The following SLC25A21 variants were observed in gnomAD, a reference collection of about 807,000 sequenced individuals.
SLC25A21 encodes solute carrier family 25 member 21, also known as mitochondrial 2-oxodicarboxylate carrier.
SLC25A21 carries 47 observed loss-of-function variants against 43.8 expected under a neutral mutation model. The ratio of observed to expected loss-of-function variants is 1.07; its 90% CI spans 0.85 to 1.37. The LOEUF is 1.37. SLC25A21 is among the 40% of genes most tolerant of loss of function. SLC25A21 has a pLI of 0.00. For missense variants in SLC25A21, 352 were observed against 350.2 expected, an observed-to-expected ratio of 1.00 and a Z score of -0.04; for synonymous variants, 131 against 121.3, an observed-to-expected ratio of 1.08 and a Z score of -0.52.
intron 1 of SLC25A21, among the ~76,000 whole-genome samples, chr14:37,146,907 A>C (rs1309073897): frequency 1.3e-5 from 2 of 152,214 alleles, no homozygotes; most frequent in Admixed American, 6.5e-5. Context: ...GAAATAGTTA[A>C]TTTGCTAACA....
At chr14:36,949,697 A>G (rs943245747) in intron 1 of SLC25A21, among the ~76,000 whole-genome samples, 3 of 152,116 alleles carry the variant, frequency 2.0e-5, no homozygotes, top group African/African-American at 7.2e-5. Context: ...ATCAAGTTTA[A>G]GTTTATATAT....
chr14:36,986,546 G>A (rs1960148835), intron 1 of SLC25A21, among the ~76,000 whole-genome samples: 1 of 152,108 alleles, frequency 6.6e-6, no homozygotes, highest in Admixed American at 6.5e-5. Flanking sequence ...TCTACCCAGA[G>A]CCTAGAACAC....
At chr14:36,989,355 A>G (rs1278752069) in intron 1 of SLC25A21, among the ~76,000 whole-genome samples, 1 of 152,178 alleles carries the variant, frequency 6.6e-6, no homozygotes, top group Admixed American at 6.5e-5. Flanking sequence ...TTATATTGCC[A>G]TGAACTTTGG....
chr14:36,942,144 T>G (rs544239750), intron 1 of SLC25A21, among the ~76,000 whole-genome samples: 1 of 152,110 alleles, frequency 6.6e-6, no homozygotes, highest in African/African-American at 2.4e-5. Context: ...AGCTTAAGAG[T>G]TTGAACTAAA....
chr14:36,744,683 C>T (rs1885419328), intron 3 of SLC25A21, among the ~76,000 whole-genome samples: 1 of 79,866 alleles, frequency 1.3e-5, no homozygotes, highest in Admixed American at 1.1e-4. Flanking sequence ...ATCTTTTGCA[C>T]AGCAAAAGAA....
rs139564383 is a variant in SLC25A21, at chr14:36,862,524, G to A, written c.119+12432C>T. ...TAACACAGGAACAGAAAACCAAACA[G>A]TGCATGTTCTCACTCATAAGTGGGA... On this transcript the variant is annotated intron_variant, in intron 2 of 9. Transcript: ENST00000331299. 2.0e-5 allele frequency among the ~76,000 whole-genome samples: 3 copies of A among 152,104 alleles called. No individual in the cohort carries two copies. In the South Asian group the frequency reaches 6.2e-4, roughly 32 times the overall value.
chr14:36,792,591 G>C (rs939508493), intron 3 of SLC25A21, among the ~76,000 whole-genome samples: 1 of 152,038 alleles, frequency 6.6e-6, no homozygotes, highest in Non-Finnish European at 1.5e-5. Context: ...TTCAGGGCAC[G>C]CAAAGGACAC....
intron 4 of SLC25A21, among the ~76,000 whole-genome samples, chr14:36,730,669 A>G (rs1399398474): frequency 6.6e-6 from 1 of 152,190 alleles, no homozygotes; most frequent in Non-Finnish European, 1.5e-5. Flanking sequence ...CTCAGGAACT[A>G]CTTTTGTGCC....
At chr14:36,773,272 G>C (rs1886693407) in intron 3 of SLC25A21, among the ~76,000 whole-genome samples, 2 of 151,976 alleles carry the variant, frequency 1.3e-5, no homozygotes, top group African/African-American at 4.8e-5. Context: ...TGATGAGTCA[G>C]ACCCGTCAGA....
chr14:37,172,500 C>A lies in SLC25A21; in HGVS notation c.-150G>T, dbSNP rs745773222. 14 of 829,422 alleles carry A rather than the reference C, an allele frequency of 1.7e-5. 1 individual carries two copies. Among genetic ancestry groups the A allele is most frequent in the Middle Eastern group, 2.2e-4 (1 of 4,630 alleles). 51.4% of individuals were successfully genotyped at this position (829,422 alleles called of 1,614,324 possible). ...CAGCAATCCGGCGACTGCTGGAAAG[C>A]GAGGGTTCGAGGCGCAGATTCGTCG... is the stretch of plus-strand genomic sequence containing the variant. On this transcript the variant is annotated 5_prime_UTR_variant, in exon 1 of 10. Coordinates refer to ENST00000331299, the MANE Select transcript of SLC25A21 (RefSeq NM_030631.4).
intron 2 of SLC25A21, among the ~76,000 whole-genome samples, chr14:36,839,441 G>A (rs545221395): frequency 6.6e-6 from 1 of 152,254 alleles, no homozygotes; most frequent in South Asian, 2.1e-4. Flanking sequence ...GAAATATTGG[G>A]CAAAAGGGAC....
At chr14:36,738,106 A>G (rs1005249602) in intron 3 of SLC25A21, among the ~76,000 whole-genome samples, 3 of 152,188 alleles carry the variant, frequency 2.0e-5, no homozygotes, top group African/African-American at 4.8e-5. Flanking sequence ...GCTGTGTCCA[A>G]TCATAGGAAG....
chr14:37,017,828 T>A (rs1012792917), intron 1 of SLC25A21, among the ~76,000 whole-genome samples: 1 of 151,744 alleles, frequency 6.6e-6, no homozygotes, highest in Non-Finnish European at 1.5e-5. Flanking sequence ...GAAGGTAAAA[T>A]AACACTAAGA....
Position 36,939,887 on chromosome 14 carries a change from A to G in SLC25A21, c.71-64883T>C, listed in dbSNP as rs1779064413. ...TCACTGCGAATGTGAACTCACAGAA[A>G]TAAGAAGATCTGGTTTCTAATTGTT... is the stretch of plus-strand genomic sequence containing the variant. On this transcript the variant is annotated intron_variant, in intron 1 of 9. Transcript: ENST00000331299. 3.9e-5 allele frequency among the ~76,000 whole-genome samples: 6 copies of G among 152,282 alleles called. No homozygotes were observed. In the South Asian group the frequency reaches 1.0e-3, roughly 26 times the overall value.
intron 3 of SLC25A21, among the ~76,000 whole-genome samples, chr14:36,736,488 G>A (rs1046264298): frequency 6.6e-6 from 1 of 152,102 alleles, no homozygotes; most frequent in South Asian, 2.1e-4. Context: ...GAGTGACCAA[G>A]CATAGGTTGG....
At chr14:36,912,679 G>A (rs76450579) in intron 1 of SLC25A21, among the ~76,000 whole-genome samples, 3,974 of 152,216 alleles carry the variant, frequency 0.026, 64 homozygotes, top group East Asian at 0.06. Context: ...GTTCTTTCAC[G>A]TGGGTAAAAG....
intron 1 of SLC25A21, among the ~76,000 whole-genome samples, chr14:36,970,827 A>G (rs1959733453): frequency 6.6e-6 from 1 of 152,198 alleles, no homozygotes; most frequent in African/African-American, 2.4e-5. Context: ...CTGAACTACA[A>G]GTAAATGTAA....
chr14:37,074,745 A>C (rs1962244885), intron 1 of SLC25A21, among the ~76,000 whole-genome samples: 1 of 152,132 alleles, frequency 6.6e-6, no homozygotes, highest in African/African-American at 2.4e-5. Flanking sequence ...AGGCAGGAGA[A>C]CTGCTGGAAC....
chr14:36,928,080 C>T (rs1324399729), intron 1 of SLC25A21, among the ~76,000 whole-genome samples: 1 of 152,168 alleles, frequency 6.6e-6, no homozygotes, highest in African/African-American at 2.4e-5. Context: ...ACCTTGGAGG[C>T]ACAGTAGAAG....
Sources: gnomAD v4.1 joint callset for allele counts (sites outside exome capture counted in the v4.1 genomes callset) on GRCh38, gnomAD v4.1.1 for gene constraint, MANE v1.5 for transcripts, NCBI Gene and HGNC (gene_info 2026-07-23, HGNC 2026-07-21) for gene names.